PRKN: variants seen among roughly 807,000 people sequenced by gnomAD.
PRKN encodes parkin RBR E3 ubiquitin protein ligase.
PRKN carries 56 observed loss-of-function variants against 59.5 expected under a neutral mutation model. The observed-to-expected ratio is 0.94, with a 90% confidence interval of 0.76 to 1.18. The LOEUF is 1.18. PRKN is among the 50% of genes most tolerant of loss of function. PRKN has a pLI of 0.00. For synonymous variants in PRKN, 250 were observed against 222.1 expected (o/e 1.13, Z -1.12); for missense variants, 657 against 596.4 (o/e 1.10, Z -1.06).
intron 1 of PRKN, among the ~76,000 whole-genome samples, chr6:162,478,348 C>T (rs565749024): frequency 9.2e-5 from 14 of 152,186 alleles, no homozygotes; most frequent in South Asian, 4.1e-4. Flanking sequence ...GCTGAAACTC[C>T]GCTTAAACAC....
intron 1 of PRKN, among the ~76,000 whole-genome samples, chr6:162,543,589 C>T (rs1238159584): frequency 6.6e-6 from 1 of 152,110 alleles, no homozygotes; most frequent in Non-Finnish European, 1.5e-5. Flanking sequence ...AAAGGACCTT[C>T]CCCCAAACCA....
intron 2 of PRKN, among the ~76,000 whole-genome samples, chr6:162,369,675 C>G (rs931441331): frequency 6.6e-6 from 1 of 152,146 alleles, no homozygotes; most frequent in Non-Finnish European, 1.5e-5. Flanking sequence ...AGCTCTTCAT[C>G]CTCCCCAGGG....
At chr6:162,445,530 T>C (rs973912912) in intron 1 of PRKN, among the ~76,000 whole-genome samples, 2 of 151,142 alleles carry the variant, frequency 1.3e-5, no homozygotes, top group Admixed American at 1.3e-4. Flanking sequence ...CTACAAAAAA[T>C]TTTTTTAAAC....
Position 161,760,289 on chromosome 6 carries a change from C to T in PRKN, c.871+25483G>A, listed in dbSNP as rs76979153. On this transcript the variant is annotated intron_variant, in intron 7 of 11. Coordinates refer to ENST00000366898, the MANE Select transcript of PRKN (RefSeq NM_004562.3). ...TTCTAACTGCCCACCACAGCCACAG[C>T]GCAACTCAACGACACCCACACGGGT... 3.5e-3 allele frequency among the ~76,000 whole-genome samples: 524 copies of T among 149,262 alleles called. 8 individuals carry two copies. The highest frequency in any genetic ancestry group is 0.012 in the African/African-American group (497 of 40,468).
At chr6:162,464,744 G>C (rs1199953110) in intron 1 of PRKN, among the ~76,000 whole-genome samples, 1 of 151,584 alleles carries the variant, frequency 6.6e-6, no homozygotes, top group Non-Finnish European at 1.5e-5. Flanking sequence ...CAGGAGAATG[G>C]CGTGAACCCA....
At chr6:162,167,026 A>G (rs943674923) in intron 4 of PRKN, among the ~76,000 whole-genome samples, 1 of 152,152 alleles carries the variant, frequency 6.6e-6, no homozygotes, top group African/African-American at 2.4e-5. Context: ...ACAGGAACCC[A>G]ACAAAGATGA....
intron 6 of PRKN, among the ~76,000 whole-genome samples, chr6:161,874,189 T>C (rs369471998): frequency 2.8e-5 from 1 of 36,214 alleles, no homozygotes; most frequent in Non-Finnish European, 4.7e-5. Context: ...TTATATATAA[T>C]ATATAATATA....
At chr6:162,031,721 G>A (rs1182708316) in intron 5 of PRKN, among the ~76,000 whole-genome samples, 1 of 151,928 alleles carries the variant, frequency 6.6e-6, no homozygotes, top group Non-Finnish European at 1.5e-5. Context: ...GTAGACACAA[G>A]GTCTCACCAT....
intron 1 of PRKN, among the ~76,000 whole-genome samples, chr6:162,656,256 A>G (rs1778636107): frequency 1.3e-5 from 2 of 152,112 alleles, no homozygotes; most frequent in South Asian, 4.1e-4. Flanking sequence ...AACACAACCC[A>G]CTCTCAGTAC....
rs1465372303 is a variant in PRKN, at chr6:162,056,972, T to C, written c.535-2798A>G. ...TCCCCCTGGGCCTTTTCCCCTCGCT[T>C]CATATCCTTTTGTTGTAGTGAATCT... On this transcript the variant is annotated intron_variant, in intron 4 of 11. Transcript: ENST00000366898. The surrounding 1 kb of genome is among the most constrained non-coding windows in gnomAD (Gnocchi z 4.9). Among the ~76,000 whole-genome samples, 1 of 152,094 alleles carries C rather than the reference T, an allele frequency of 6.6e-6. No individual in the cohort carries two copies. The highest frequency in any genetic ancestry group is 1.5e-5 in the Non-Finnish European group (1 of 68,024).
At position 161,402,196 on chromosome 6, in the gene PRKN, G is replaced by A. The variant is rs1787082481; in HGVS notation, c.1084-15319C>T. 6.6e-6 allele frequency among the ~76,000 whole-genome samples: 1 copy of A among 152,008 alleles called. No individual in the cohort carries two copies. Among genetic ancestry groups the A allele is most frequent in the African/African-American group, 2.4e-5 (1 of 41,352 alleles). On this transcript the variant is annotated intron_variant, in intron 9 of 11. Coordinates refer to ENST00000366898, the MANE Select transcript of PRKN (RefSeq NM_004562.3). The surrounding 1 kb of genome is among the most constrained non-coding windows in gnomAD (Gnocchi z 4.5). Reference sequence around the variant, plus strand: ...GCCTCGGGGGTCGTGAGCAGGAGGTGAAGCCAAATGCCTTCAGTGACCTGA... The same window carrying A: ...GCCTCGGGGGTCGTGAGCAGGAGGTAAAGCCAAATGCCTTCAGTGACCTGA...
intron 4 of PRKN, among the ~76,000 whole-genome samples, chr6:162,173,982 A>G (rs1378370001): frequency 6.6e-6 from 1 of 152,202 alleles, no homozygotes; most frequent in African/African-American, 2.4e-5. Context: ...CTGTGCTGAC[A>G]TGTCAGTTTT....
At chr6:161,860,357 C>T (rs1793841336) in intron 6 of PRKN, among the ~76,000 whole-genome samples, 1 of 152,120 alleles carries the variant, frequency 6.6e-6, no homozygotes, top group Admixed American at 6.5e-5. Context: ...AAGGGAAATC[C>T]ATGTATGCAT....
At chr6:162,483,328 T>C (rs375415402) in intron 1 of PRKN, among the ~76,000 whole-genome samples, 1 of 152,192 alleles carries the variant, frequency 6.6e-6, no homozygotes, top group East Asian at 1.9e-4. Flanking sequence ...TTGTGTCTTA[T>C]GTGTGGTGGA....
intron 7 of PRKN, among the ~76,000 whole-genome samples, chr6:161,773,368 T>C (rs1789776249): frequency 6.6e-6 from 1 of 152,214 alleles, no homozygotes; most frequent in Non-Finnish European, 1.5e-5. Context: ...GCAGAATGCA[T>C]ACATTCAAAA....
chr6:162,121,519 T>G (rs1442604855), intron 4 of PRKN, among the ~76,000 whole-genome samples: 1 of 152,174 alleles, frequency 6.6e-6, no homozygotes, highest in Non-Finnish European at 1.5e-5. Flanking sequence ...GCTACCAGTT[T>G]TGATTGGAGT....
chr6:162,323,601 C>A (rs1395514733), intron 2 of PRKN, among the ~76,000 whole-genome samples: 2 of 151,832 alleles, frequency 1.3e-5, no homozygotes, highest in Non-Finnish European at 2.9e-5. Context: ...AAGATTTAAA[C>A]AAACACTTCA....
intron 3 of PRKN, among the ~76,000 whole-genome samples, chr6:162,223,424 C>T (rs997521643): frequency 1.3e-5 from 2 of 151,972 alleles, no homozygotes; most frequent in Admixed American, 6.6e-5. Context: ...GCTAATAGCA[C>T]TATTAGTAGC....
At chr6:161,609,147 A>G (rs1782395488) in intron 7 of PRKN, among the ~76,000 whole-genome samples, 1 of 152,342 alleles carries the variant, frequency 6.6e-6, no homozygotes, top group Admixed American at 6.5e-5. Context: ...CAATTATGGG[A>G]CAACCATAAT....
Sources: allele counts gnomAD v4.1 joint callset (sites outside exome capture counted in the v4.1 genomes callset), GRCh38; gene constraint gnomAD v4.1.1; non-coding constraint Gnocchi (gnomAD v3.1); transcripts MANE v1.5; gene names NCBI Gene and HGNC (gene_info 2026-07-23, HGNC 2026-07-21).